Variants in NXPE4 observed in about 807,000 individuals in gnomAD.
NXPE4 encodes neurexophilin and PC-esterase domain family member 4.
In NXPE4, 42 loss-of-function variants were observed where a neutral mutation model predicts 33.3. The observed-to-expected ratio is 1.26, with a 90% CI of 0.98 to 1.63. NXPE4 has a LOEUF of 1.63. Among genes scored for constraint, NXPE4 ranks in the 40% most tolerant of loss-of-function variants. The probability of loss-of-function intolerance (pLI) is 0.00; values close to 1 mark genes in which losing one functional copy is unlikely to be tolerated. For synonymous variants in NXPE4, 253 were observed against 234.9 expected (o/e 1.08, Z -0.71); for missense variants, 709 against 647.6 (o/e 1.09, Z -1.03).
chr11:114,658,731 C>T, the NXPE4 span, among the ~76,000 whole-genome samples: 2 of 152,124 alleles, frequency 1.3e-5, no homozygotes, highest in African/African-American at 4.8e-5. Flanking sequence ...TGGGCCCAGA[C>T]CATTAGAGAT....
At chr11:114,580,435 G>A (rs1051611884) in intron 4 of NXPE4, 97 bp from the exon 5 acceptor site, 2 of 969,542 alleles carry the variant, frequency 2.1e-6, no homozygotes, top group African/African-American at 1.6e-5. Context: ...CTAAGAGGGG[G>A]TAAGGTGGTG....
At chr11:114,636,073 C>T in the NXPE4 span, among the ~76,000 whole-genome samples, 5 of 129,856 alleles carry the variant, frequency 3.9e-5, no homozygotes, top group African/African-American at 8.9e-5. Flanking sequence ...TGGTAGAATT[C>T]GACTGTGAAT....
Position 114,580,332 on chromosome 11 carries a change from G to A in NXPE4, c.899C>T (p.Thr300Ile). The change falls in exon 5 of 6, where the codon ACA becomes ATA. Residue 300 changes from threonine (T) to isoleucine (I), a missense_variant. Coordinates refer to ENST00000375478, the MANE Select transcript of NXPE4 (RefSeq NM_001077639.2). ...TISVSKCNKE[T>I]VAMKEKCKFG... is the part of the protein sequence containing the mutation. ...CTTGCATTTCTCTTTCATTGCAACT[G>A]TTTCTTCTGCCAAAGAATCAATGAG... 6.2e-7 allele frequency: 1 copy of A among 1,613,532 alleles called. No homozygotes were observed. Among genetic ancestry groups the A allele is most frequent in the South Asian group, 1.1e-5 (1 of 91,070 alleles).
chr11:114,638,906 G>C, the NXPE4 span, among the ~76,000 whole-genome samples: 2 of 151,880 alleles, frequency 1.3e-5, no homozygotes, highest in Non-Finnish European at 2.9e-5. Context: ...GGCTGCTTGG[G>C]GGTCAGGGGT....
At position 114,571,345 on chromosome 11, in the gene NXPE4, C is replaced by A; in HGVS notation, c.1228G>T (p.Val410Phe). The change falls in exon 6 of 6, where the codon GTC becomes TTC. Residue 410 changes from valine (V) to phenylalanine (F), a missense_variant. Val to Phe is a conservative substitution (Grantham distance 50). Coordinates refer to ENST00000375478, the MANE Select transcript of NXPE4 (RefSeq NM_001077639.2). ...CGGGTGAGGTACTCCATCTCTTTGA[C>A]TGAATAGGTCATTGATCCTATCAAG... Reference protein sequence around the residue: ...YPLIGSMTYSVKEMEYLTRAI... With the variant: ...YPLIGSMTYSFKEMEYLTRAI... 6.2e-7 allele frequency: 1 copy of A among 1,614,004 alleles called. No homozygotes were observed.
intron 2 of NXPE4, among the ~76,000 whole-genome samples, chr11:114,593,826 G>A (rs995866815): frequency 2.6e-5 from 4 of 152,066 alleles, no homozygotes; most frequent in African/African-American, 9.7e-5. Flanking sequence ...TATACACAAC[G>A]GAGTAGTATT....
the NXPE4 span, among the ~76,000 whole-genome samples, chr11:114,625,430 A>G: frequency 2.0e-5 from 3 of 150,492 alleles, no homozygotes; most frequent in Non-Finnish European, 4.4e-5. Flanking sequence ...CTTCTACCAC[A>G]TGGATAATAA....
the NXPE4 span, among the ~76,000 whole-genome samples, chr11:114,629,406 C>A: frequency 4.6e-5 from 7 of 151,864 alleles, no homozygotes; most frequent in South Asian, 1.0e-3. Context: ...ATAAACAGAA[C>A]CAAAGACAAA....
At chr11:114,599,936 A>G (rs1379471102), upstream of NXPE4, among the ~76,000 whole-genome samples, 3 of 152,188 alleles carry the variant, frequency 2.0e-5, no homozygotes, top group African/African-American at 7.2e-5. Flanking sequence ...AAAAAAATCT[A>G]TGAGTTCATA....
chr11:114,648,099 C>A, the NXPE4 span, among the ~76,000 whole-genome samples: 1 of 152,068 alleles, frequency 6.6e-6, no homozygotes, highest in Non-Finnish European at 1.5e-5. Context: ...TGAGACAGAG[C>A]TCCAAAAACC....
the NXPE4 span, among the ~76,000 whole-genome samples, chr11:114,642,299 C>A: frequency 1.3e-5 from 2 of 151,986 alleles, no homozygotes; most frequent in South Asian, 4.1e-4. Context: ...AATACCTGAC[C>A]ATGAGCAGTG....
intron 2 of NXPE4, among the ~76,000 whole-genome samples, 186 bp downstream of exon 2, chr11:114,594,478 G>A (rs1397718409): frequency 6.6e-6 from 1 of 152,146 alleles, no homozygotes; most frequent in Non-Finnish European, 1.5e-5. Flanking sequence ...GTGTATGTGT[G>A]AACACACACA....
chr11:114,593,682 A>C (rs1336604345), intron 2 of NXPE4, among the ~76,000 whole-genome samples: 1 of 152,156 alleles, frequency 6.6e-6, no homozygotes, highest in Non-Finnish European at 1.5e-5. Flanking sequence ...GTATATACCC[A>C]AAATAAAGGA....
chr11:114,615,654 C>T, the NXPE4 span, among the ~76,000 whole-genome samples: 1 of 151,664 alleles, frequency 6.6e-6, no homozygotes, highest in Non-Finnish European at 1.5e-5. Flanking sequence ...CTAGGGTAAC[C>T]ACTGTTACCC....
intron 2 of NXPE4, chr11:114,583,638 T>C (rs1441370773): frequency 1.7e-6 from 1 of 590,338 alleles, no homozygotes; most frequent in Non-Finnish European, 3.4e-6. Flanking sequence ...GAGCAGCAGA[T>C]GGACACTGCT....
the NXPE4 span, among the ~76,000 whole-genome samples, chr11:114,601,094 T>G: frequency 2.0e-5 from 3 of 151,942 alleles, no homozygotes; most frequent in Admixed American, 1.3e-4. Flanking sequence ...TGCTATTTAC[T>G]TATTTATATT....
the NXPE4 span, among the ~76,000 whole-genome samples, chr11:114,661,711 C>T: frequency 1.3e-5 from 2 of 152,212 alleles, no homozygotes; most frequent in African/African-American, 2.4e-5. Flanking sequence ...AGAAGAACTG[C>T]ATTGGCCAAG....
the NXPE4 span, among the ~76,000 whole-genome samples, chr11:114,600,987 C>A: frequency 6.6e-6 from 1 of 151,944 alleles, no homozygotes; most frequent in Non-Finnish European, 1.5e-5. Context: ...GCCAAATAGT[C>A]CATCATTTCG....
At chr11:114,594,968 A>C (rs1949547218) in intron 1 of NXPE4, among the ~76,000 whole-genome samples, 199 bp from the exon 2 acceptor site, 1 of 152,068 alleles carries the variant, frequency 6.6e-6, no homozygotes, top group African/African-American at 2.4e-5. Flanking sequence ...CTGCTTGTAC[A>C]TTCTACAGAA....
Sources: gnomAD v4.1 joint callset for allele counts (sites outside exome capture counted in the v4.1 genomes callset) on GRCh38, gnomAD v4.1.1 for gene constraint, MANE v1.5 for transcripts, NCBI Gene and HGNC (gene_info 2026-07-23, HGNC 2026-07-21) for gene names.